XYLT1: variants seen among roughly 807,000 people sequenced by gnomAD.
XYLT1 encodes xylosyltransferase 1, also known as beta-D-xylosyltransferase 1.
In XYLT1, 36 loss-of-function variants were observed where a neutral mutation model predicts 91.3. That is an observed-to-expected ratio of 0.39 (90% CI 0.30 to 0.52). The LOEUF is 0.52. Among genes scored for constraint, XYLT1 ranks in the 20% least tolerant of loss-of-function variants. The pLI, the probability that XYLT1 is intolerant of heterozygous loss-of-function variation, is 0.68. For missense variants in XYLT1, 1,242 were observed against 1,284.5 expected, an observed-to-expected ratio of 0.97 and a Z score of 0.51; for synonymous variants, 588 against 532.0, an observed-to-expected ratio of 1.11 and a Z score of -1.45.
chr16:17,125,803 A>G (rs765843660), intron 10 of XYLT1, among the ~76,000 whole-genome samples: 8 of 152,082 alleles, frequency 5.3e-5, no homozygotes, highest in Non-Finnish European at 1.2e-4. Context: ...CAATTCCATG[A>G]CCACAGGGGC....
chr16:17,240,574 T>C (rs2033330179), intron 3 of XYLT1, among the ~76,000 whole-genome samples: 1 of 152,154 alleles, frequency 6.6e-6, no homozygotes, highest in African/African-American at 2.4e-5. Flanking sequence ...ATATTCAGGA[T>C]GTAGAATTGG....
At chr16:17,226,870 T>C (rs1207384129) in intron 3 of XYLT1, among the ~76,000 whole-genome samples, 1 of 152,248 alleles carries the variant, frequency 6.6e-6, no homozygotes, top group Non-Finnish European at 1.5e-5. Flanking sequence ...CATCACTGTG[T>C]GGCCTTGAGC....
intron 3 of XYLT1, among the ~76,000 whole-genome samples, chr16:17,256,222 A>G (rs2033628807): frequency 6.6e-6 from 1 of 152,070 alleles, no homozygotes; most frequent in South Asian, 2.1e-4. Flanking sequence ...TATTTGATCT[A>G]AATCCTCTAT....
At chr16:17,197,039 A>ATATATATATATATATG (rs2032442620) in intron 5 of XYLT1, among the ~76,000 whole-genome samples, 1 of 144,528 alleles carries the variant, frequency 6.9e-6, no homozygotes. Context: ...ATAGATATAT[A>ATATATATATATATATG]TACCGTTCAG....
At chr16:17,161,386 A>T (rs1412888597) in intron 5 of XYLT1, among the ~76,000 whole-genome samples, 1 of 152,152 alleles carries the variant, frequency 6.6e-6, no homozygotes, top group East Asian at 1.9e-4. Flanking sequence ...TGTGCTTGGC[A>T]AAGGATCCTG....
At chr16:17,307,152 C>T (rs1000514800) in intron 2 of XYLT1, among the ~76,000 whole-genome samples, 1 of 152,162 alleles carries the variant, frequency 6.6e-6, no homozygotes. Context: ...TATCTCAGGT[C>T]ACTGTAACCT....
Position 17,127,786 on chromosome 16 carries a change from CT to C in XYLT1, c.2102del (p.Lys701SerfsTer9), listed in dbSNP as rs1370467438. The C allele has an allele frequency of 6.2e-7, 1 of 1,614,054 alleles. No individual in the cohort carries two copies. The highest frequency in any genetic ancestry group is 8.5e-7 in the Non-Finnish European group (1 of 1,180,026). ...TCACAGCCAGATTGGTAGCATGATG[CT>C]TGATCAGAAAGCCCTGGAAGCGGTC... ...LADRFQGFLI[K>X]HHATNLAVSK... On this transcript the variant is annotated frameshift_variant, in exon 10 of 12. Coordinates refer to ENST00000261381, the MANE Select transcript of XYLT1 (RefSeq NM_022166.4). LOFTEE classifies it high-confidence loss of function.
intron 3 of XYLT1, among the ~76,000 whole-genome samples, chr16:17,209,801 C>T (rs1037363173): frequency 1.3e-5 from 2 of 152,246 alleles, no homozygotes; most frequent in East Asian, 1.9e-4. Flanking sequence ...CCGCGGACCT[C>T]GCCCATCACA....
intron 1 of XYLT1, among the ~76,000 whole-genome samples, chr16:17,425,028 T>C (rs2036298050): frequency 6.6e-6 from 1 of 152,292 alleles, no homozygotes; most frequent in East Asian, 1.9e-4. Flanking sequence ...ACCCTTGAAC[T>C]TGGCTCCAGC....
chr16:17,351,474 T>C (rs573894310), intron 2 of XYLT1, among the ~76,000 whole-genome samples: 3 of 152,142 alleles, frequency 2.0e-5, no homozygotes, highest in Admixed American at 6.5e-5. Context: ...GATCACACCA[T>C]TGCATTCCAG....
intron 2 of XYLT1, among the ~76,000 whole-genome samples, chr16:17,302,276 C>T (rs1235138895): frequency 6.6e-6 from 1 of 152,000 alleles, no homozygotes; most frequent in Non-Finnish European, 1.5e-5. Flanking sequence ...CAACCCAGGC[C>T]CAGGTACCAG....
intron 5 of XYLT1, among the ~76,000 whole-genome samples, chr16:17,162,551 G>A (rs1403585270): frequency 6.6e-6 from 1 of 152,026 alleles, no homozygotes; most frequent in Admixed American, 6.6e-5. Context: ...TCTACTACGA[G>A]ACTGCCTCTA....
intron 2 of XYLT1, among the ~76,000 whole-genome samples, chr16:17,346,364 G>T (rs192587479): frequency 6.6e-6 from 1 of 152,190 alleles, no homozygotes; most frequent in Non-Finnish European, 1.5e-5. Context: ...AATACCCAGG[G>T]GACTGTCACT....
rs561119865 is a variant in XYLT1, at chr16:17,141,206, C to A, written c.1534G>T (p.Asp512Tyr). The change falls in exon 7 of 12, where the codon GAT becomes TAT. Residue 512 changes from aspartate to tyrosine, a missense_variant. Asp to Tyr is a radical substitution (Grantham distance 160). This residue lies in a region of XYLT1 where 294 missense variants were observed against 376.0 expected (regional missense o/e 0.78). Coordinates refer to ENST00000261381, the MANE Select transcript of XYLT1 (RefSeq NM_022166.4). The stretch of plus-strand genomic sequence containing the variant: ...AACTGTTTCATCTTGGTCACCAGAT[C>A]GTCTGTGGAGAAGGTCACATATTCT... ...FVEYVTFSTD[D>Y]LVTKMKQFYS... 43 of 1,614,220 alleles carry A rather than the reference C, an allele frequency of 2.7e-5. 1 individual carries two copies. The South Asian group carries it at 4.3e-4, about 16-fold the overall frequency.
At position 17,449,217 on chromosome 16, in the gene XYLT1, G is replaced by A. The variant is rs79995225; in HGVS notation, c.363+21217C>T. Among the ~76,000 whole-genome samples, 596 of 152,340 alleles carry A rather than the reference G, an allele frequency of 3.9e-3. 3 individuals carry two copies. The highest frequency in any genetic ancestry group is 6.3e-3 in the Non-Finnish European group (429 of 68,028). On this transcript the variant is annotated intron_variant, in intron 1 of 11. Coordinates refer to ENST00000261381, the MANE Select transcript of XYLT1 (RefSeq NM_022166.4). ...TCTCTCCTGCTGCCCCAGGCCAGCT[G>A]AGCAGGCCAAAGGAGGGCTGGGGCC...
chr16:17,331,116 C>T (rs1312854958), intron 2 of XYLT1, among the ~76,000 whole-genome samples: 1 of 152,240 alleles, frequency 6.6e-6, no homozygotes, highest in Non-Finnish European at 1.5e-5. Flanking sequence ...CGAGTCCCCA[C>T]AGCCCCTTGG....
rs538230519 is a variant in XYLT1, at chr16:17,165,561, T to C, written c.1290-6652A>G. On this transcript the variant is annotated intron_variant, in intron 5 of 11. Transcript: ENST00000261381. ...AAAAAAAATTAGCCAGGCATGGTAG[T>C]GGGCGCCTGTAATCCCAGCTACTCG... 2.3e-3 allele frequency among the ~76,000 whole-genome samples: 341 copies of C among 150,492 alleles called. 2 individuals carry two copies. The highest frequency in any genetic ancestry group is 7.8e-3 in the African/African-American group (322 of 41,154).
chr16:17,181,900 G>A (rs1184565533), intron 5 of XYLT1, among the ~76,000 whole-genome samples: 2 of 152,088 alleles, frequency 1.3e-5, no homozygotes, highest in Admixed American at 6.5e-5. Context: ...ATCTCTCCTT[G>A]CTTTGTATCC....
chr16:17,400,987 C>T (rs1351070164), intron 1 of XYLT1, among the ~76,000 whole-genome samples: 1 of 32,944 alleles, frequency 3.0e-5, no homozygotes, highest in Non-Finnish European at 7.3e-5. Flanking sequence ...CTCTTTCATA[C>T]ACACACACAC....
Sources: gnomAD v4.1 joint callset for allele counts (sites outside exome capture counted in the v4.1 genomes callset) on GRCh38, gnomAD v4.1.1 for gene constraint, gnomAD v4.1.1 regional missense constraint, MANE v1.5 for transcripts, NCBI Gene and HGNC (gene_info 2026-07-23, HGNC 2026-07-21) for gene names.